Variants in GLIS3 observed in about 807,000 individuals in gnomAD.
GLIS3 encodes the protein zinc finger protein GLIS3.
A neutral mutation model predicts 78.6 loss-of-function variants in GLIS3; 53 were observed. That is an observed-to-expected ratio of 0.67 (90% confidence interval 0.54 to 0.85). GLIS3 has a LOEUF of 0.85. Among genes scored for constraint, GLIS3 ranks in the 40% least tolerant of loss-of-function variants. The pLI, the probability that GLIS3 is intolerant of heterozygous loss-of-function variation, is 0.00. For missense variants in GLIS3, 1,703 were observed against 1,231.1 expected (o/e 1.38, Z -5.74); for synonymous variants, 684 against 509.9 (o/e 1.34, Z -4.60).
the GLIS3 span, among the ~76,000 whole-genome samples, chr9:4,478,294 A>G: frequency 6.6e-6 from 1 of 152,142 alleles, no homozygotes; most frequent in South Asian, 2.1e-4. Context: ...ATATAAATCC[A>G]TGTGTTTGTA....
At chr9:4,429,442 A>T in the GLIS3 span, among the ~76,000 whole-genome samples, 1 of 151,788 alleles carries the variant, frequency 6.6e-6, no homozygotes, top group South Asian at 2.1e-4. Flanking sequence ...CTAGAATATT[A>T]TTTTCACTCC....
the GLIS3 span, among the ~76,000 whole-genome samples, chr9:4,490,127 T>G: frequency 4.6e-5 from 7 of 152,318 alleles, no homozygotes; most frequent in South Asian, 1.4e-3. Flanking sequence ...GAGGGAGACG[T>G]GCAGGATGAA....
At chr9:4,465,901 G>C in the GLIS3 span, among the ~76,000 whole-genome samples, 1 of 152,194 alleles carries the variant, frequency 6.6e-6, no homozygotes. Context: ...AAGTGCATTT[G>C]AAGTTGATAG....
At chr9:3,849,556 C>A (rs1223274548) in intron 9 of GLIS3, among the ~76,000 whole-genome samples, 1 of 152,146 alleles carries the variant, frequency 6.6e-6, no homozygotes, top group Non-Finnish European at 1.5e-5. Context: ...GAGGCATGGG[C>A]ACTGCTGACT....
the GLIS3 span, among the ~76,000 whole-genome samples, chr9:4,424,590 A>T: frequency 6.6e-6 from 1 of 152,060 alleles, no homozygotes; most frequent in Non-Finnish European, 1.5e-5. Flanking sequence ...TTTTGACAGA[A>T]TTTCGCTCTG....
intron 2 of GLIS3, among the ~76,000 whole-genome samples, chr9:4,281,890 T>A (rs1237311273): frequency 6.6e-6 from 1 of 152,172 alleles, no homozygotes; most frequent in East Asian, 1.9e-4. Flanking sequence ...CTTCTAAATT[T>A]AAAATACCCT....
chr9:4,335,162 C>T (rs1284005976), intron 2 of GLIS3, among the ~76,000 whole-genome samples: 1 of 152,128 alleles, frequency 6.6e-6, no homozygotes, highest in African/African-American at 2.4e-5. Flanking sequence ...CCCGCCTTGG[C>T]ATCCCAAAGT....
At chr9:4,112,816 A>G (rs1484680013) in intron 4 of GLIS3, among the ~76,000 whole-genome samples, 3 of 152,224 alleles carry the variant, frequency 2.0e-5, no homozygotes, top group East Asian at 3.9e-4. Flanking sequence ...ACCAAATACT[A>G]TAACAGACAC....
chr9:3,962,130 G>A (rs1191061293), intron 4 of GLIS3, among the ~76,000 whole-genome samples: 3 of 152,104 alleles, frequency 2.0e-5, no homozygotes, highest in African/African-American at 7.2e-5. Context: ...TGAGGTAGGA[G>A]GATGGCTTGA....
chr9:3,944,360 T>G lies in GLIS3; in HGVS notation c.1711-7171A>C, dbSNP rs910631767. 3.3e-5 allele frequency among the ~76,000 whole-genome samples: 5 copies of G among 152,224 alleles called. No individual in the cohort carries two copies. In the South Asian group the frequency reaches 8.3e-4, roughly 25 times the overall value. On this transcript the variant is annotated intron_variant, in intron 4 of 10. Transcript: ENST00000381971. Reference sequence around the variant, plus strand: ...CTCATCATGGGCATTATATCATAACTGGGAAAAGAACATTCACAGTGCAAC... The same window carrying G: ...CTCATCATGGGCATTATATCATAACGGGGAAAAGAACATTCACAGTGCAAC...
chr9:4,249,230 G>C (rs1007891192), intron 2 of GLIS3, among the ~76,000 whole-genome samples: 2 of 152,140 alleles, frequency 1.3e-5, no homozygotes, highest in Non-Finnish European at 2.9e-5. Context: ...CCATCTTCAA[G>C]ATATTGATTC....
intron 2 of GLIS3, among the ~76,000 whole-genome samples, chr9:4,206,671 G>A (rs6476823): frequency 0.23 from 34,973 of 152,108 alleles, 4,161 homozygotes; most frequent in Middle Eastern, 0.37. Flanking sequence ...GGTCTAATAA[G>A]GGGTGTGAAC....
intron 4 of GLIS3, among the ~76,000 whole-genome samples, chr9:4,042,697 T>C (rs1017138435): frequency 6.6e-6 from 1 of 152,090 alleles, no homozygotes; most frequent in African/African-American, 2.4e-5. Flanking sequence ...GCTGCCACTA[T>C]AACAAAACAA....
chr9:4,469,794 AT>A, the GLIS3 span, among the ~76,000 whole-genome samples: 2 of 152,230 alleles, frequency 1.3e-5, no homozygotes, highest in Admixed American at 6.5e-5. Context: ...TCAGAGCAGA[AT>A]TGAAGGAGAT....
chr9:4,188,373 T>C (rs1193504451), intron 2 of GLIS3, among the ~76,000 whole-genome samples: 2 of 149,348 alleles, frequency 1.3e-5, no homozygotes, highest in Non-Finnish European at 3.0e-5. Context: ...ATAAGCTTTT[T>C]GATGTGCTGC....
chr9:3,893,862 G>C (rs973507028), intron 7 of GLIS3, among the ~76,000 whole-genome samples: 1 of 152,184 alleles, frequency 6.6e-6, no homozygotes, highest in Non-Finnish European at 1.5e-5. Flanking sequence ...CAGGTGATTT[G>C]ATGCATACTG....
chr9:4,461,740 C>G, the GLIS3 span, among the ~76,000 whole-genome samples: 2 of 152,146 alleles, frequency 1.3e-5, no homozygotes, highest in Non-Finnish European at 2.9e-5. Flanking sequence ...TTCCCTCACC[C>G]AATATCAGCA....
chr9:4,488,078 T>C, the GLIS3 span, among the ~76,000 whole-genome samples: 1 of 149,468 alleles, frequency 6.7e-6, no homozygotes, highest in South Asian at 2.1e-4. Flanking sequence ...GGTCTTTTTT[T>C]CTAAGCACAT....
chr9:4,137,188 T>G (rs898848025), intron 2 of GLIS3, among the ~76,000 whole-genome samples: 5 of 152,136 alleles, frequency 3.3e-5, no homozygotes, highest in African/African-American at 1.2e-4. Flanking sequence ...GCGATCACAT[T>G]TAAATGGGAG....
Sources: allele counts gnomAD v4.1 joint callset (sites outside exome capture counted in the v4.1 genomes callset), GRCh38; gene constraint gnomAD v4.1.1; transcripts MANE v1.5; gene names NCBI Gene and HGNC (gene_info 2026-07-23, HGNC 2026-07-21).